KDM4C: variants seen among roughly 807,000 people sequenced by gnomAD.
KDM4C encodes the protein lysine-specific demethylase 4C.
Under a neutral mutation model 129.3 loss-of-function variants are expected in KDM4C, and 81 were observed. The observed-to-expected ratio is 0.63, with a 90% CI of 0.52 to 0.75. The LOEUF is 0.75. Ranked by LOEUF, KDM4C falls within the 30% of genes least tolerant of loss-of-function variation. KDM4C has a pLI of 0.00. For synonymous variants in KDM4C, 573 were observed against 456.1 expected (o/e 1.26, Z -3.26); for missense variants, 1,457 against 1,304.0 (o/e 1.12, Z -1.81).
At chr9:7,069,433 G>C (rs747219254) in intron 17 of KDM4C, among the ~76,000 whole-genome samples, 1 of 152,136 alleles carries the variant, frequency 6.6e-6, no homozygotes, top group Non-Finnish European at 1.5e-5. Context: ...GATTGCTTGA[G>C]CCTAGGAGCT....
chr9:6,819,197 G>C (rs1387368993), intron 4 of KDM4C: 1 of 152,190 alleles, frequency 6.6e-6, no homozygotes, highest in East Asian at 1.9e-4. Flanking sequence ...AAAATGTCCT[G>C]AATTAGCTGT....
intron 5 of KDM4C, among the ~76,000 whole-genome samples, chr9:6,851,290 T>C (rs1014667056): frequency 9.6e-4 from 146 of 152,296 alleles, no homozygotes; most frequent in Non-Finnish European, 7.9e-4. Flanking sequence ...TCAGGTGTTA[T>C]TTGTGGGCCT....
chr9:7,042,455 G>A (rs954334166), intron 15 of KDM4C, among the ~76,000 whole-genome samples: 6 of 152,114 alleles, frequency 3.9e-5, no homozygotes, highest in South Asian at 2.1e-4. Context: ...CCAATGAGAT[G>A]TTTTATTAGC....
At chr9:6,789,186 G>A (rs1826053943) in intron 1 of KDM4C, among the ~76,000 whole-genome samples, 1 of 151,082 alleles carries the variant, frequency 6.6e-6, no homozygotes, top group Non-Finnish European at 1.5e-5. Context: ...CGAGTAGCTG[G>A]GACTATAGGC....
chr9:6,838,822 G>A (rs1022584949), intron 4 of KDM4C, among the ~76,000 whole-genome samples: 2 of 152,180 alleles, frequency 1.3e-5, no homozygotes, highest in Non-Finnish European at 2.9e-5. Context: ...TAAGCAAAAT[G>A]TACTGCATAC....
intron 8 of KDM4C, among the ~76,000 whole-genome samples, chr9:6,963,906 G>T (rs1302956438): frequency 6.6e-6 from 1 of 152,094 alleles, no homozygotes; most frequent in African/African-American, 2.4e-5. Context: ...GCTATTCCTA[G>T]ATTAACTATT....
chr9:7,004,613 T>C (rs1821321726), intron 12 of KDM4C, among the ~76,000 whole-genome samples: 1 of 152,228 alleles, frequency 6.6e-6, no homozygotes, highest in Non-Finnish European at 1.5e-5. Context: ...TTAAAAAAGA[T>C]TCTTTTAGAT....
At chr9:6,801,003 A>G (rs1453422645) in intron 2 of KDM4C, among the ~76,000 whole-genome samples, 1 of 152,194 alleles carries the variant, frequency 6.6e-6, no homozygotes, top group Non-Finnish European at 1.5e-5. Context: ...ATGAAAATTA[A>G]GGTAAAATTG....
intron 5 of KDM4C, among the ~76,000 whole-genome samples, chr9:6,874,721 C>T (rs770305584): frequency 6.6e-6 from 1 of 152,018 alleles, no homozygotes; most frequent in Non-Finnish European, 1.5e-5. Flanking sequence ...ACTTCGTAGG[C>T]AACATAGCTC....
At chr9:6,728,145 G>A (rs1817203064) in intron 1 of KDM4C, among the ~76,000 whole-genome samples, 1 of 151,568 alleles carries the variant, frequency 6.6e-6, no homozygotes. Flanking sequence ...TCCCAATCAG[G>A]GACAGCTGCA....
At position 7,163,555 on chromosome 9, in the gene KDM4C, C is replaced by T. The variant is rs575468156; in HGVS notation, c.2782-1683C>T. On this transcript the variant is annotated intron_variant, in intron 19 of 21. Coordinates refer to ENST00000381309, the MANE Select transcript of KDM4C (RefSeq NM_015061.6). Reference sequence around the variant, plus strand: ...AGGAGAAGCATATGCCACCTCCTGCCGCCACACTTACCCCAGCACCTGGGC... The same window carrying T: ...AGGAGAAGCATATGCCACCTCCTGCTGCCACACTTACCCCAGCACCTGGGC... Among the ~76,000 whole-genome samples, 11 of 152,256 alleles carry T rather than the reference C, an allele frequency of 7.2e-5. No homozygotes were observed. The South Asian group carries it at 1.9e-3, about 26-fold the overall frequency.
In KDM4C at chr9:7,161,695, C is replaced by T. The variant is rs564148095; in HGVS notation, c.2782-3543C>T. Among the ~76,000 whole-genome samples the T allele has an allele frequency of 7.2e-5, 11 of 152,282 alleles. No homozygotes were observed. The South Asian group carries it at 2.3e-3, about 32-fold the overall frequency. The stretch of plus-strand genomic sequence containing the variant: ...TTGGGCTGCTGGGCTTTATTGCCTC[C>T]TAGTGTCTCACACACATTAGGTGGT... On this transcript the variant is annotated intron_variant, in intron 19 of 21. Transcript: ENST00000381309.
intron 1 of KDM4C, among the ~76,000 whole-genome samples, chr9:6,779,032 C>CTTTTTTTTTTTT (rs60503128): frequency 0.03 from 2,795 of 94,364 alleles, 555 homozygotes; most frequent in African/African-American, 0.13. Flanking sequence ...TGATTAAAGT[C>CTTTTTTTTTTTT]TTTTTTTTTT....
chr9:7,133,337 A>G (rs968697690), intron 19 of KDM4C, among the ~76,000 whole-genome samples: 3 of 152,148 alleles, frequency 2.0e-5, no homozygotes, highest in African/African-American at 7.2e-5. Flanking sequence ...GAGAACCTGT[A>G]CTTGTGAGAT....
At chr9:6,900,674 C>T (rs1405907037) in intron 8 of KDM4C, among the ~76,000 whole-genome samples, 3 of 152,180 alleles carry the variant, frequency 2.0e-5, no homozygotes, top group Admixed American at 1.3e-4. Context: ...ATTTTGGATT[C>T]GTCTTCTCTG....
At chr9:7,143,620 T>G (rs748605716) in intron 19 of KDM4C, among the ~76,000 whole-genome samples, 7 of 152,236 alleles carry the variant, frequency 4.6e-5, no homozygotes, top group Non-Finnish European at 8.8e-5. Context: ...CATATTATTT[T>G]CATTCTCCTT....
chr9:6,752,844 C>A (rs756737120), upstream of KDM4C, among the ~76,000 whole-genome samples: 2 of 152,136 alleles, frequency 1.3e-5, no homozygotes, highest in Non-Finnish European at 2.9e-5. Context: ...AATAAAATAT[C>A]TGTGTTCCTC....
intron 17 of KDM4C, among the ~76,000 whole-genome samples, chr9:7,063,122 T>C (rs979228723): frequency 2.2e-4 from 33 of 152,336 alleles, no homozygotes; most frequent in African/African-American, 7.0e-4. Flanking sequence ...TTGCCACATA[T>C]CTTTAGTAAA....
chr9:7,085,721 G>A (rs1338697130), intron 17 of KDM4C, among the ~76,000 whole-genome samples: 2 of 152,148 alleles, frequency 1.3e-5, no homozygotes, highest in Non-Finnish European at 2.9e-5. Context: ...ACTGCGTGGT[G>A]GGATAATCTG....
Sources: allele counts gnomAD v4.1 joint callset (sites outside exome capture counted in the v4.1 genomes callset), GRCh38; gene constraint gnomAD v4.1.1; transcripts MANE v1.5; gene names NCBI Gene and HGNC (gene_info 2026-07-23, HGNC 2026-07-21).